POLE: variants seen among roughly 807,000 people sequenced by gnomAD.
The protein encoded by POLE is DNA polymerase epsilon catalytic subunit A.
Under a neutral mutation model 279.2 loss-of-function variants are expected in POLE, and 188 were observed. That is an observed-to-expected ratio of 0.67 (90% CI 0.60 to 0.76). The LOEUF is 0.76. Ranked by LOEUF, POLE falls within the 30% of genes least tolerant of loss-of-function variation. The pLI, the probability that POLE is intolerant of heterozygous loss-of-function variation, is 0.00. For missense variants in POLE, 2,703 were observed against 3,016.7 expected (o/e 0.90, Z 2.44); for synonymous variants, 1,214 against 1,172.5 (o/e 1.04, Z -0.72).
chr12:132,644,323 CTTTTT>C (rs57257940), intron 32 of POLE, among the ~76,000 whole-genome samples: 2 of 107,708 alleles, frequency 1.9e-5, no homozygotes, highest in African/African-American at 3.6e-5. Context: ...CCACGGATGG[CTTTTT>C]TTTTTTTTTT....
rs1060500835 is a variant in POLE, at chr12:132,677,606, C to A, written c.692G>T (p.Arg231Leu). 1 of 1,614,164 alleles carries A rather than the reference C, an allele frequency of 6.2e-7. No individual in the cohort carries two copies. Among genetic ancestry groups the A allele is most frequent in the Non-Finnish European group, 8.5e-7 (1 of 1,180,018 alleles). ...MREYDVPYHI[R>L]LSIDLKIHVA... ...GTGGATCTTCAGGTCAATGGAGAGG[C>A]GGATGTGGTAGGGAACATCGTACTC... Residue 231 changes from arginine (R) to leucine (L), a missense_variant, in exon 7 of 49, where the codon CGC becomes CTC. Physicochemically the swap from Arg to Leu is moderately radical, Grantham distance 102 (BLOSUM62 -2). This residue lies in a region of POLE where 1,011 missense variants were observed against 1,111.7 expected (regional missense o/e 0.91). Coordinates refer to ENST00000320574, the MANE Select transcript of POLE (RefSeq NM_006231.4).
Position 132,639,115 on chromosome 12 carries a change from G to T in POLE, c.5552+10C>A, listed in dbSNP as rs764235457. The T allele has an allele frequency of 3.1e-6, 5 of 1,613,104 alleles. No homozygotes were observed. In the African/African-American group the frequency reaches 5.3e-5, roughly 17 times the overall value. On this transcript the variant is annotated intron_variant, in intron 40 of 48. Coordinates refer to ENST00000320574, the MANE Select transcript of POLE (RefSeq NM_006231.4). The surrounding 1 kb of genome is among the most constrained non-coding windows in gnomAD (Gnocchi z 4.7). ...ACGCGGTGGACAGCCCAGGGAGGAG[G>T]AGCACTCACTGCAGGAAGAGCTTCT... is the stretch of plus-strand genomic sequence containing the variant.
At chr12:132,667,682 T>C (rs754435601) in intron 19 of POLE, 34 bp from the exon 20 acceptor site, 2 of 1,611,216 alleles carry the variant, frequency 1.2e-6, no homozygotes, top group Non-Finnish European at 1.7e-6. Context: ...AGCAGGTGGG[T>C]GAGATCTCCC....
rs1555230420 is a variant in POLE, at chr12:132,681,203, GC to G, written c.138del (p.Leu46PhefsTer8). 1 of 1,614,108 alleles carries G rather than the reference GC, an allele frequency of 6.2e-7. No homozygotes were observed. The highest frequency in any genetic ancestry group is 8.5e-7 in the Non-Finnish European group (1 of 1,180,024). ...TCCTTCAGCCGCTCAAAACCAAACC[GC>G]AAATCCATCTTATCCGTCCACTGAC... is the stretch of plus-strand genomic sequence containing the variant. ...ERSQWTDKMDLRFGFERLKEP... is the reference protein window; with the variant it reads ...ERSQWTDKMDXRFGFERLKEP... On this transcript the variant is annotated frameshift_variant, in exon 2 of 49. Coordinates refer to ENST00000320574, the MANE Select transcript of POLE (RefSeq NM_006231.4). LOFTEE classifies it high-confidence loss of function.
Position 132,664,134 on chromosome 12 carries a change from A to T in POLE, c.2576T>A (p.Leu859Gln), listed in dbSNP as rs2135957114. The T allele has an allele frequency of 6.2e-7, 1 of 1,614,196 alleles. No homozygotes were observed. The highest frequency in any genetic ancestry group is 2.2e-5 in the East Asian group (1 of 44,890). ...GACGCACCATATACCATCTGTGTCC[A>T]GCTCTAAGGGCCTCCTTCAGAGAAA... ...LIEQIGRPLE[L>Q]DTDGIWCVLP... The change falls in exon 23 of 49, where the codon CTG (leucine) becomes CAG (glutamine). Residue 859 changes from leucine (L) to glutamine (Q), a missense_variant. Transcript: ENST00000320574. This position sits in a 1 kb window ranked among gnomAD's most constrained non-coding sequence, Gnocchi z 5.3.
Position 132,659,520 on chromosome 12 carries a change from A to G in POLE, c.3061-11T>C, listed in dbSNP as rs557043068. The G allele has an allele frequency of 1.2e-6, 2 of 1,611,070 alleles. No homozygotes were observed. The highest frequency in any genetic ancestry group is 3.3e-5 in the Admixed American group (2 of 60,000). ...AGGCATGTTGGCTGCCTAGAGAAAG[A>G]CAATGGGTAAAACACTGCAGAAATC... is the stretch of plus-strand genomic sequence containing the variant. On this transcript the variant is annotated splice_polypyrimidine_tract_variant and intron_variant, in intron 25 of 48. Transcript: ENST00000320574.
Position 132,641,739 on chromosome 12 carries a change from C to T in POLE, c.5286G>A (p.Gln1762=), listed in dbSNP as rs1258541488. The stretch of plus-strand genomic sequence containing the variant: ...TGATCATGTCCTCCAGGGAGGCCTG[C>T]TGGATCACGTCGAAGCTGATCCCCA... ...DSMGISFDVI[Q]QASLEDMITG... Residue 1762 remains glutamine, a synonymous_variant, in exon 39 of 49, where the codon CAG becomes CAA. Coordinates refer to ENST00000320574, the MANE Select transcript of POLE (RefSeq NM_006231.4). 2 of 1,612,742 alleles carry T rather than the reference C, an allele frequency of 1.2e-6. No homozygotes were observed. The highest frequency in any genetic ancestry group is 1.7e-6 in the Non-Finnish European group (2 of 1,179,992).
chr12:132,672,526 G>T, intron 15 of POLE, 101 bp downstream of exon 15: 1 of 1,313,680 alleles, frequency 7.6e-7, no homozygotes, highest in South Asian at 1.2e-5. Context: ...GGGGCCGTGG[G>T]ACAGGATGGG....
intron 6 of POLE, 91 bp from the exon 7 acceptor site, chr12:132,677,810 A>G: frequency 7.9e-7 from 1 of 1,261,024 alleles, no homozygotes; most frequent in South Asian, 1.4e-5. Flanking sequence ...AGGTGAGACC[A>G]GAGTTCAAAC....
At chr12:132,669,001 C>A in intron 16 of POLE, 62 bp from the exon 17 acceptor site, 2 of 1,546,220 alleles carry the variant, frequency 1.3e-6, no homozygotes, top group South Asian at 1.2e-5. Context: ...TGCAGTTCAC[C>A]AACCCCTTTT....
intron 23 of POLE, among the ~76,000 whole-genome samples, chr12:132,663,729 C>T (rs1445724305): frequency 6.6e-6 from 1 of 152,148 alleles, no homozygotes; most frequent in Non-Finnish European, 1.5e-5. Flanking sequence ...GAAGGGGATA[C>T]AGAAATTCTC....
In POLE at chr12:132,625,604, T is replaced by G. The variant is rs906399731; in HGVS notation, c.6657+41A>C. ...CCGGGAGTGCACAGAAACCCCCCTG[T>G]GGACTCCAGGGCACACGGGCAGGCG... On this transcript the variant is annotated intron_variant, in intron 47 of 48. Transcript: ENST00000320574. 41 of 1,608,142 alleles carry G rather than the reference T, an allele frequency of 2.5e-5. No homozygotes were observed. In the Admixed American group the frequency reaches 6.7e-4, roughly 26 times the overall value.
intron 8 of POLE, 46 bp downstream of exon 8, chr12:132,677,317 A>G: frequency 7.0e-7 from 1 of 1,421,708 alleles, no homozygotes; most frequent in Non-Finnish European, 1.0e-6. Context: ...TATTCTCTCC[A>G]GAAAACTGGA....
chr12:132,683,088 A>T (rs2043202226), intron 1 of POLE, among the ~76,000 whole-genome samples: 2 of 152,190 alleles, frequency 1.3e-5, no homozygotes. Context: ...CTTACTTCTC[A>T]TGAAAGATTA....
At position 132,658,375 on chromosome 12, in the gene POLE, C is replaced by T. The variant is rs5744879; in HGVS notation, c.3276-405G>A. On this transcript the variant is annotated intron_variant, in intron 26 of 48. Transcript: ENST00000320574. ...CCATGTGCATGCACATACATAAACG[C>T]ATGCGTGCGTAAACATGTCTACGTT... The T allele has an allele frequency of 2.7e-3, 484 of 180,474 alleles. 4 individuals carry two copies. Among genetic ancestry groups the T allele is most frequent in the African/African-American group, 0.011 (468 of 42,068 alleles). The allele number at this position is 180,474 out of a possible 1,614,324, so 11.2% of individuals were successfully genotyped here. A position where few individuals can be genotyped will look rare whatever the true frequency, so the allele number is the denominator to read the frequency against.
At position 132,642,906 on chromosome 12, in the gene POLE, G is replaced by A. The variant is rs1555222725; in HGVS notation, c.4642C>T (p.Pro1548Ser). ...CGAACTTCGAAGGTGTGTTTGGGGGGTGGCAGGAGCTCAGGGCCCACCTTC... is the reference window on the plus strand; with the variant it reads ...CGAACTTCGAAGGTGTGTTTGGGGGATGGCAGGAGCTCAGGGCCCACCTTC... ...LEKVGPELLPPPKHTFEVRAE... is the reference protein window; with the variant it reads ...LEKVGPELLPSPKHTFEVRAE... The change falls in exon 36 of 49, where the codon CCC becomes TCC. Residue 1548 changes from proline (P) to serine (S), a missense_variant. Pro to Ser is a moderately conservative substitution (Grantham distance 74). Coordinates refer to ENST00000320574, the MANE Select transcript of POLE (RefSeq NM_006231.4). 2 of 1,613,678 alleles carry A rather than the reference G, an allele frequency of 1.2e-6. No individual in the cohort carries two copies. Among genetic ancestry groups the A allele is most frequent in the Admixed American group, 1.7e-5 (1 of 59,914 alleles).
At position 132,679,948 on chromosome 12, in the gene POLE, A is replaced by T. The variant is rs1410434100; in HGVS notation, c.423+6T>A. 1 of 1,597,428 alleles carries T rather than the reference A, an allele frequency of 6.3e-7. No homozygotes were observed. The highest frequency in any genetic ancestry group is 8.6e-7 in the Non-Finnish European group (1 of 1,166,246). On this transcript the variant is annotated splice_donor_region_variant and intron_variant, in intron 5 of 48. Coordinates refer to ENST00000320574, the MANE Select transcript of POLE (RefSeq NM_006231.4). The stretch of plus-strand genomic sequence containing the variant: ...TTTACCCCTGGAAAGTCTGGGTGAT[A>T]CTCACCAAGTCCAGATCCTCTTTGG...
Position 132,643,868 on chromosome 12 carries a change from G to A in POLE, c.4259C>T (p.Ala1420Val), listed in dbSNP as rs41561818. 6,312 of 1,614,132 alleles carry A rather than the reference G, an allele frequency of 3.9e-3. 23 individuals carry two copies. The highest frequency in any genetic ancestry group is 4.4e-3 in the Non-Finnish European group (5,180 of 1,179,998). ...HINEINAELS[A>V]PDIEGVYETQ... is the part of the protein sequence containing the mutation. ...CTCATATACGCCCTCGATGTCTGGCGCTGACAGCTCAGCGTTGATCTCGTT... is the reference window on the plus strand; with the variant it reads ...CTCATATACGCCCTCGATGTCTGGCACTGACAGCTCAGCGTTGATCTCGTT... Residue 1420 changes from alanine (A) to valine (V), a missense_variant, in exon 33 of 49, where the codon GCG (alanine) becomes GTG (valine). Transcript: ENST00000320574.
intron 32 of POLE, among the ~76,000 whole-genome samples, chr12:132,644,494 T>C (rs544361002): frequency 6.6e-6 from 1 of 152,214 alleles, no homozygotes; most frequent in African/African-American, 2.4e-5. Flanking sequence ...CCTCTGAGAA[T>C]AGACAAGAGC....
Sources: allele counts gnomAD v4.1 joint callset (sites outside exome capture counted in the v4.1 genomes callset), GRCh38; gene constraint gnomAD v4.1.1; regional missense constraint gnomAD v4.1.1; non-coding constraint Gnocchi (gnomAD v3.1); transcripts MANE v1.5; gene names NCBI Gene and HGNC (gene_info 2026-07-23, HGNC 2026-07-21).